Variants in CCDC91 observed in about 807,000 individuals in gnomAD.
CCDC91 encodes the protein coiled-coil domain containing 91.
Under a neutral mutation model 63.2 loss-of-function variants are expected in CCDC91, and 48 were observed. The ratio of observed to expected loss-of-function variants is 0.76; its 90% CI spans 0.60 to 0.97. The LOEUF (loss-of-function observed/expected upper bound fraction) is 0.97, where lower values mean the gene tolerates loss of function less well. Among genes scored for constraint, CCDC91 ranks in the 50% least tolerant of loss-of-function variants. CCDC91 has a pLI of 0.00. For synonymous variants in CCDC91, 167 were observed against 165.8 expected (o/e 1.01, Z -0.06); for missense variants, 500 against 494.6 (o/e 1.01, Z -0.10).
chr12:28,350,720 A>G (rs1342468764), intron 6 of CCDC91, among the ~76,000 whole-genome samples: 1 of 151,586 alleles, frequency 6.6e-6, no homozygotes, highest in Admixed American at 6.6e-5. Flanking sequence ...TTCCTGGGAA[A>G]CTCTTTCCTG....
At chr12:28,433,649 A>G (rs1948747523) in intron 8 of CCDC91, among the ~76,000 whole-genome samples, 1 of 151,780 alleles carries the variant, frequency 6.6e-6, no homozygotes, top group African/African-American at 2.4e-5. Context: ...CAGTCCTCCA[A>G]CTTTGTCCTT....
At chr12:28,356,149 A>G (rs1943510383) in intron 6 of CCDC91, among the ~76,000 whole-genome samples, 1 of 152,134 alleles carries the variant, frequency 6.6e-6, no homozygotes, top group Non-Finnish European at 1.5e-5. Flanking sequence ...GAGAAATGAG[A>G]CAATGTAGAG....
intron 12 of CCDC91, among the ~76,000 whole-genome samples, chr12:28,484,976 C>G (rs1239224802): frequency 6.6e-6 from 1 of 151,268 alleles, no homozygotes; most frequent in Admixed American, 6.6e-5. Flanking sequence ...ACATATATTG[C>G]ATTACATAAT....
chr12:28,241,063 T>C (rs1945302395), intron 1 of CCDC91, among the ~76,000 whole-genome samples: 1 of 152,184 alleles, frequency 6.6e-6, no homozygotes, highest in Non-Finnish European at 1.5e-5. Flanking sequence ...GGTATTGTCA[T>C]TACTTTTTAT....
intron 3 of CCDC91, among the ~76,000 whole-genome samples, chr12:28,266,262 A>T (rs1432718886): frequency 2.0e-5 from 3 of 152,012 alleles, no homozygotes; most frequent in Admixed American, 1.3e-4. Context: ...AGTGTGGATT[A>T]GAGTCAAATA....
chr12:28,339,624 T>C (rs971882307), intron 6 of CCDC91, among the ~76,000 whole-genome samples: 1 of 152,166 alleles, frequency 6.6e-6, no homozygotes, highest in Non-Finnish European at 1.5e-5. Context: ...ATATATAAAG[T>C]ATGCAGAAGG....
At chr12:28,546,248 C>A (rs1434137016) in intron 12 of CCDC91, among the ~76,000 whole-genome samples, 1 of 151,984 alleles carries the variant, frequency 6.6e-6, no homozygotes, top group African/African-American at 2.4e-5. Flanking sequence ...CTGAGTTCTG[C>A]TTATATTTTG....
rs199686594 is a variant in CCDC91, at chr12:28,441,316, G to A, written c.763-8845G>A. On this transcript the variant is annotated intron_variant, in intron 8 of 12. Coordinates refer to ENST00000536442, the MANE Select transcript of CCDC91 (RefSeq NM_018318.5). The stretch of plus-strand genomic sequence containing the variant: ...TGGTAGTACAACCATTTTGGAAAAA[G>A]ATTTGACAGTTTTTTATAAATTTAA... 1.2e-3 allele frequency among the ~76,000 whole-genome samples: 177 copies of A among 151,890 alleles called. 5 individuals are homozygous for A. The East Asian group carries it at 0.03, about 26-fold the overall frequency.
At chr12:28,252,957 T>C (rs1230451449) in intron 1 of CCDC91, among the ~76,000 whole-genome samples, 1 of 152,168 alleles carries the variant, frequency 6.6e-6, no homozygotes, top group Non-Finnish European at 1.5e-5. Flanking sequence ...TAATATTCGA[T>C]AGATGAGGAA....
At position 28,306,883 on chromosome 12, in the gene CCDC91, A is replaced by G. The variant is rs966915008; in HGVS notation, c.409A>G (p.Lys137Glu). Reference protein sequence around the residue: ...ANVSNIQLQQKISSLEIKLKV... With the variant: ...ANVSNIQLQQEISSLEIKLKV... ...TGTATCTAACATACAGCTTCAGCAA[A>G]AAATTTCAAGTCTGGAGATTAAACT... The change falls in exon 5 of 13, where the codon AAA (lysine) becomes GAA (glutamate). Residue 137 changes from lysine to glutamate, a missense_variant. Transcript: ENST00000536442. 6.2e-7 allele frequency: 1 copy of G among 1,612,338 alleles called. No individual in the cohort carries two copies.
chr12:28,386,047 C>T (rs188240769), intron 7 of CCDC91, among the ~76,000 whole-genome samples: 164 of 152,114 alleles, frequency 1.1e-3, no homozygotes, highest in Non-Finnish European at 9.1e-4. Context: ...CAGTTGAGCC[C>T]GTGGAGTAAA....
At chr12:28,428,881 ACT>A (rs1948478931) in intron 8 of CCDC91, among the ~76,000 whole-genome samples, 1 of 151,630 alleles carries the variant, frequency 6.6e-6, no homozygotes, top group Non-Finnish European at 1.5e-5. Flanking sequence ...ACAACTTAAA[ACT>A]CTCAGCTTAA....
chr12:28,204,060 G>A (rs1185553057), intron 1 of CCDC91, among the ~76,000 whole-genome samples: 7 of 152,014 alleles, frequency 4.6e-5, no homozygotes, highest in Admixed American at 3.3e-4. Context: ...ATTATTGAAG[G>A]TAAATGATCT....
intron 3 of CCDC91, among the ~76,000 whole-genome samples, chr12:28,295,005 C>T (rs1949473360): frequency 6.6e-6 from 1 of 152,164 alleles, no homozygotes; most frequent in African/African-American, 2.4e-5. Context: ...TGTCTACATT[C>T]AGCACAAGTT....
chr12:28,451,371 C>T (rs551488888), intron 10 of CCDC91, among the ~76,000 whole-genome samples: 5 of 151,510 alleles, frequency 3.3e-5, no homozygotes, highest in South Asian at 4.1e-4. Flanking sequence ...ATGGAGTCAA[C>T]ATATATGTTT....
intron 3 of CCDC91, among the ~76,000 whole-genome samples, chr12:28,304,154 G>A (rs1246437023): frequency 4.6e-5 from 7 of 151,438 alleles, no homozygotes; most frequent in Non-Finnish European, 5.9e-5. Context: ...CGAGGCGGGC[G>A]GATCATGAGG....
intron 1 of CCDC91, among the ~76,000 whole-genome samples, chr12:28,197,208 T>G (rs565009450): frequency 6.6e-6 from 1 of 152,244 alleles, no homozygotes; most frequent in East Asian, 1.9e-4. Flanking sequence ...TCAGTATCAT[T>G]GGCTTTTTGG....
chr12:28,389,419 T>G (rs1345936259), intron 7 of CCDC91, among the ~76,000 whole-genome samples: 1 of 152,170 alleles, frequency 6.6e-6, no homozygotes. Context: ...CAGTTACTCT[T>G]GCATAACTTT....
intron 6 of CCDC91, among the ~76,000 whole-genome samples, chr12:28,311,758 T>C (rs1939350641): frequency 6.6e-6 from 1 of 152,006 alleles, no homozygotes; most frequent in African/African-American, 2.4e-5. Flanking sequence ...GGATGTTTAT[T>C]GTCTAAAAGT....
Sources: gnomAD v4.1 joint callset for allele counts (sites outside exome capture counted in the v4.1 genomes callset) on GRCh38, gnomAD v4.1.1 for gene constraint, MANE v1.5 for transcripts, NCBI Gene and HGNC (gene_info 2026-07-23, HGNC 2026-07-21) for gene names.